The following NBAS variants were observed in gnomAD, a reference collection of about 807,000 sequenced individuals.
The protein encoded by NBAS is NBAS subunit of NRZ tethering complex, also known as NAG/BC035112 fusion.
NBAS carries 219 observed loss-of-function variants against 302.5 expected under a neutral mutation model. That is an observed-to-expected ratio of 0.72 (90% CI 0.65 to 0.81). The LOEUF (loss-of-function observed/expected upper bound fraction) is 0.81. Ranked by LOEUF, NBAS falls within the 30% of genes least tolerant of loss-of-function variation. The probability of loss-of-function intolerance (pLI) is 0.00; values close to 1 mark genes in which losing one functional copy is unlikely to be tolerated. For synonymous variants in NBAS, 1,118 were observed against 1,021.6 expected (o/e 1.09, Z -1.80); for missense variants, 2,932 against 2,841.6 (o/e 1.03, Z -0.72).
intron 12 of NBAS, among the ~76,000 whole-genome samples, chr2:15,487,689 T>G (rs1680690092): frequency 6.6e-6 from 1 of 152,188 alleles, no homozygotes; most frequent in Non-Finnish European, 1.5e-5. Flanking sequence ...CTAAATACAT[T>G]ACACAGTTTT....
the NBAS span, among the ~76,000 whole-genome samples, chr2:14,849,112 A>T: frequency 6.8e-6 from 1 of 147,078 alleles, no homozygotes; most frequent in Admixed American, 6.8e-5. Flanking sequence ...AAGGCTTCAG[A>T]CGATCAAATT....
At position 15,190,371 on chromosome 2, in the gene NBAS, G is replaced by C. The variant is rs779793082; in HGVS notation, c.6465C>G (p.Asn2155Lys). The stretch of plus-strand genomic sequence containing the variant: ...GGAGTTCCATGAATAGACAGTAGCG[G>C]TTCTCTTCATTCTCAATGTCAGCTA... Reference protein sequence around the residue: ...VDIADIENEENRYCLFMELLE... With the variant: ...VDIADIENEEKRYCLFMELLE... The change falls in exon 49 of 52, where the codon AAC becomes AAG. Residue 2155 changes from asparagine to lysine, a missense_variant. Asn to Lys is a moderately conservative substitution (Grantham distance 94). Coordinates refer to ENST00000281513, the MANE Select transcript of NBAS (RefSeq NM_015909.4). 5.4e-5 allele frequency: 87 copies of C among 1,613,852 alleles called. No individual in the cohort carries two copies. Among genetic ancestry groups the C allele is most frequent in the Non-Finnish European group, 7.2e-5 (85 of 1,179,916 alleles).
At chr2:14,867,399 G>T in the NBAS span, among the ~76,000 whole-genome samples, 1 of 152,242 alleles carries the variant, frequency 6.6e-6, no homozygotes, top group Admixed American at 6.5e-5. Context: ...TTCTCTTGGG[G>T]TAAGACCTGA....
chr2:15,056,911 TTTCGCCTCCCAGGTTCCATTGATTCTCC>T, the NBAS span, among the ~76,000 whole-genome samples: 1 of 151,238 alleles, frequency 6.6e-6, no homozygotes, highest in Non-Finnish European at 1.5e-5. Flanking sequence ...TCACTGCAAC[TTTCGCCTCCCAGGTTCCATTGATTCTCC>T]CACCTCAGCC....
the NBAS span, among the ~76,000 whole-genome samples, chr2:14,993,217 A>G: frequency 6.6e-6 from 1 of 152,152 alleles, no homozygotes; most frequent in East Asian, 1.9e-4. Flanking sequence ...CATTTTACAC[A>G]TGAGAAAAAT....
the NBAS span, among the ~76,000 whole-genome samples, chr2:14,807,644 A>G: frequency 3.3e-5 from 5 of 152,194 alleles, no homozygotes; most frequent in Non-Finnish European, 5.9e-5. Context: ...ATCTATTTTA[A>G]AACATGTAGT....
At chr2:15,021,905 C>T in the NBAS span, among the ~76,000 whole-genome samples, 1,896 of 152,258 alleles carry the variant, frequency 0.012, 44 homozygotes, top group African/African-American at 0.044. Flanking sequence ...TCATCTCTGA[C>T]TTTGAGGGTT....
the NBAS span, among the ~76,000 whole-genome samples, chr2:15,064,389 T>C: frequency 6.6e-6 from 1 of 151,176 alleles, no homozygotes; most frequent in Non-Finnish European, 1.5e-5. Flanking sequence ...TATGAACAAT[T>C]AAACATCAAC....
At chr2:15,070,526 G>A in the NBAS span, among the ~76,000 whole-genome samples, 1 of 152,086 alleles carries the variant, frequency 6.6e-6, no homozygotes, top group Non-Finnish European at 1.5e-5. Context: ...TGGCTCCTCT[G>A]TGTCCCTAAG....
the NBAS span, among the ~76,000 whole-genome samples, chr2:14,976,132 T>G: frequency 2.0e-5 from 3 of 152,078 alleles, no homozygotes. Context: ...TAAGAAGCAA[T>G]GAAGTAATAA....
chr2:15,384,195 A>G (rs1001829586), intron 28 of NBAS, among the ~76,000 whole-genome samples: 21 of 152,322 alleles, frequency 1.4e-4, no homozygotes, highest in African/African-American at 5.1e-4. Flanking sequence ...TTACAGAGTT[A>G]CAGAGCTAGG....
At chr2:14,781,569 G>T in the NBAS span, among the ~76,000 whole-genome samples, 4 of 152,072 alleles carry the variant, frequency 2.6e-5, no homozygotes, top group Admixed American at 2.0e-4. Context: ...AGGCAAGGCT[G>T]CAGCAGCCAA....
intron 48 of NBAS, among the ~76,000 whole-genome samples, chr2:15,213,897 G>A (rs368490321): frequency 6.6e-6 from 1 of 152,324 alleles, no homozygotes; most frequent in East Asian, 1.9e-4. Context: ...GACACAAGGA[G>A]CTATATCCAA....
At chr2:14,915,203 T>A in the NBAS span, among the ~76,000 whole-genome samples, 1 of 152,202 alleles carries the variant, frequency 6.6e-6, no homozygotes, top group African/African-American at 2.4e-5. Context: ...TAGCTTATTA[T>A]CAAAGGTTGC....
the NBAS span, among the ~76,000 whole-genome samples, chr2:15,061,696 G>A: frequency 6.6e-6 from 1 of 152,204 alleles, no homozygotes; most frequent in Non-Finnish European, 1.5e-5. Flanking sequence ...GCATACTCCA[G>A]AAGGCTGTTC....
the NBAS span, among the ~76,000 whole-genome samples, chr2:15,035,239 G>A: frequency 6.6e-6 from 1 of 151,748 alleles, no homozygotes; most frequent in Admixed American, 6.6e-5. Flanking sequence ...GGGATTGCTG[G>A]GTTAAAAGTG....
rs77081203 is a variant in NBAS, at chr2:15,558,622, G to T, written c.130C>A (p.Gln44Lys). The T allele has an allele frequency of 6.2e-7, 1 of 1,612,554 alleles. No individual in the cohort carries two copies. The change falls in exon 2 of 52, where the codon CAA becomes AAA. Residue 44 changes from glutamine (Q) to lysine (K), a missense_variant. Physicochemically the swap from Gln to Lys is moderately conservative, Grantham distance 53. Transcript: ENST00000281513. ...PETEVQPRGN[Q>K]KHGASFIITK... ...ATGATAAAGGATGCACCATGTTTTT[G>T]GTTGCCTCTAGGCTGGAATTTAAAA...
chr2:15,030,778 G>T, the NBAS span, among the ~76,000 whole-genome samples: 5 of 152,166 alleles, frequency 3.3e-5, no homozygotes, highest in African/African-American at 1.2e-4. Context: ...GGACTATCTT[G>T]TGCATGGTAG....
At chr2:14,939,862 T>C in the NBAS span, among the ~76,000 whole-genome samples, 22 of 152,254 alleles carry the variant, frequency 1.4e-4, no homozygotes, top group Non-Finnish European at 2.5e-4. Flanking sequence ...TTAGAGATTA[T>C]GTCAAAGGTT....
Sources: gnomAD v4.1 joint callset for allele counts (sites outside exome capture counted in the v4.1 genomes callset) on GRCh38, gnomAD v4.1.1 for gene constraint, MANE v1.5 for transcripts, NCBI Gene and HGNC (gene_info 2026-07-23, HGNC 2026-07-21) for gene names.